The following CDH4 variants were observed in gnomAD, a reference collection of about 807,000 sequenced individuals.
The protein encoded by CDH4 is cadherin-4.
CDH4 carries 33 observed loss-of-function variants against 86.0 expected under a neutral mutation model. That is an observed-to-expected ratio of 0.38 (90% CI 0.29 to 0.51). CDH4 has a LOEUF of 0.51. Among genes scored for constraint, CDH4 ranks in the 20% least tolerant of loss-of-function variants. The pLI is 0.86. For missense variants in CDH4, 1,114 were observed against 1,307.4 expected, an observed-to-expected ratio of 0.85 and a Z score of 2.28; for synonymous variants, 555 against 549.4, an observed-to-expected ratio of 1.01 and a Z score of -0.14.
chr20:61,468,843 C>A (rs1189635865), intron 2 of CDH4, among the ~76,000 whole-genome samples: 3 of 152,174 alleles, frequency 2.0e-5, no homozygotes, highest in Non-Finnish European at 4.4e-5. Context: ...TTTCACTTAA[C>A]ATAATGATCT....
chr20:61,592,971 G>A (rs532662081), intron 2 of CDH4, among the ~76,000 whole-genome samples: 115 of 152,278 alleles, frequency 7.6e-4, no homozygotes, highest in African/African-American at 2.7e-3. Context: ...ACCTGGGTGG[G>A]CCCTAAGTGC....
rs531063283 is a variant in CDH4 at position 61,837,185 on chromosome 20, C to T, written c.577-7483C>T. ...TCCAGCCTGGGCGACAGAGCAAGAC[C>T]CTGTCTCAAAAAAAACGGGGTTTCA... On this transcript the variant is annotated intron_variant, in intron 4 of 15. Transcript: ENST00000614565. Among the ~76,000 whole-genome samples, 3 of 152,216 alleles carry T rather than the reference C, an allele frequency of 2.0e-5. No individual in the cohort carries two copies. The South Asian group carries it at 6.2e-4, about 32-fold the overall frequency.
At chr20:61,411,546 T>A (rs1026208498) in intron 2 of CDH4, among the ~76,000 whole-genome samples, 1 of 152,032 alleles carries the variant, frequency 6.6e-6, no homozygotes, top group Admixed American at 6.6e-5. Context: ...AGCTGCTGGC[T>A]GGGCTGGGCA....
rs567176909 is a variant in CDH4 at position 61,764,084 on chromosome 20, C to T, written c.397-8919C>T. Among the ~76,000 whole-genome samples the T allele has an allele frequency of 9.7e-4, 147 of 152,326 alleles. 5 individuals carry two copies. The South Asian group carries it at 0.027, about 27-fold the overall frequency. On this transcript the variant is annotated intron_variant, in intron 3 of 15. Transcript: ENST00000614565. ...CTCACCTTGCAGCCACAGCCAGTTA[C>T]AGCCTCATCACACAGACAGGAGAGC... is the stretch of plus-strand genomic sequence containing the variant.
At chr20:61,265,512 C>T (rs1433675113) in intron 2 of CDH4, among the ~76,000 whole-genome samples, 2 of 152,016 alleles carry the variant, frequency 1.3e-5, no homozygotes, top group Non-Finnish European at 2.9e-5. Flanking sequence ...CTACACATAT[C>T]TCAGTGGTTC....
At chr20:61,701,784 C>A (rs994725021) in intron 2 of CDH4, among the ~76,000 whole-genome samples, 1 of 152,196 alleles carries the variant, frequency 6.6e-6, no homozygotes, top group African/African-American at 2.4e-5. Context: ...CTTAATGATT[C>A]GGACAAAGCG....
intron 2 of CDH4, among the ~76,000 whole-genome samples, chr20:61,602,767 C>A (rs1020801933): frequency 2.0e-5 from 3 of 151,280 alleles, no homozygotes; most frequent in Non-Finnish European, 4.4e-5. Context: ...CAGGCCAGCA[C>A]CAACATCATG....
chr20:61,374,717 C>T (rs1395411152), intron 2 of CDH4, among the ~76,000 whole-genome samples: 1 of 152,156 alleles, frequency 6.6e-6, no homozygotes, highest in African/African-American at 2.4e-5. Flanking sequence ...CTCCAGGGCT[C>T]TCTAGAATTT....
chr20:61,567,849 T>C (rs1307554070), intron 2 of CDH4, among the ~76,000 whole-genome samples: 1 of 152,128 alleles, frequency 6.6e-6, no homozygotes, highest in Non-Finnish European at 1.5e-5. Context: ...GACACACACC[T>C]GTGGTCTCAG....
intron 15 of CDH4, among the ~76,000 whole-genome samples, chr20:61,935,497 C>T (rs1283645033): frequency 1.3e-5 from 2 of 152,074 alleles, no homozygotes; most frequent in African/African-American, 2.4e-5. Flanking sequence ...GTGGCTCAGG[C>T]CTGTCATCCC....
intron 2 of CDH4, among the ~76,000 whole-genome samples, chr20:61,492,451 T>TTGTTGA (rs1352516937): frequency 6.6e-6 from 1 of 152,016 alleles, no homozygotes; most frequent in Non-Finnish European, 1.5e-5. Flanking sequence ...GGTGTCAATA[T>TTGTTGA]TGTTGATGTT....
At position 61,734,830 on chromosome 20, in the gene CDH4, G is replaced by A. The variant is rs536068818; in HGVS notation, c.170-8733G>A. ...CACGTGGACACAGCGCACACAAAGC[G>A]CGCACAGTCACACGAATCAACCTGG... On this transcript the variant is annotated intron_variant, in intron 2 of 15. Coordinates refer to ENST00000614565, the MANE Select transcript of CDH4 (RefSeq NM_001794.5). Among the ~76,000 whole-genome samples the A allele has an allele frequency of 2.6e-4, 40 of 152,344 alleles. No individual in the cohort carries two copies. The South Asian group carries it at 4.0e-3, about 15-fold the overall frequency.
chr20:61,704,399 G>A (rs1227028159), intron 2 of CDH4, among the ~76,000 whole-genome samples: 6 of 152,188 alleles, frequency 3.9e-5, no homozygotes, highest in Admixed American at 3.9e-4. Context: ...AGGCAGCCTT[G>A]TGGGGCGCTC....
At chr20:61,696,906 G>A (rs1212137089) in intron 2 of CDH4, among the ~76,000 whole-genome samples, 2 of 152,140 alleles carry the variant, frequency 1.3e-5, no homozygotes, top group African/African-American at 4.8e-5. Flanking sequence ...TACGAGAGAC[G>A]CACAGAATGC....
intron 2 of CDH4, among the ~76,000 whole-genome samples, chr20:61,672,042 T>C (rs1419407642): frequency 8.0e-6 from 1 of 125,604 alleles, no homozygotes; most frequent in Non-Finnish European, 1.5e-5. Context: ...GATGGGTGGA[T>C]AGATAGATAA....
At position 61,773,155 on chromosome 20, in the gene CDH4, C is replaced by T. The variant is rs1228050535; in HGVS notation, c.549C>T (p.Arg183=). The T allele has an allele frequency of 1.3e-6, 2 of 1,590,372 alleles. No homozygotes were observed. The highest frequency in any genetic ancestry group is 1.1e-5 in the South Asian group (1 of 87,990). ...CCATCAACGTGCCCGAGAACTCGCG[C>T]GGGCCCTTCCCGCAGCAGCTCGTGA... ...IPPINVPENS[R]GPFPQQLVRI... is the part of the protein sequence containing the mutation. The change falls in exon 4 of 16, where the codon CGC becomes CGT. Residue 183 remains arginine, a synonymous_variant. Coordinates refer to ENST00000614565, the MANE Select transcript of CDH4 (RefSeq NM_001794.5).
At chr20:61,272,352 C>T (rs985276637) in intron 2 of CDH4, among the ~76,000 whole-genome samples, 2 of 152,222 alleles carry the variant, frequency 1.3e-5, no homozygotes, top group South Asian at 2.1e-4. Flanking sequence ...AGGGAGGCTG[C>T]AGTCGCCCCC....
intron 3 of CDH4, among the ~76,000 whole-genome samples, chr20:61,770,592 C>T (rs2088762669): frequency 6.6e-6 from 1 of 152,170 alleles, no homozygotes; most frequent in South Asian, 2.1e-4. Context: ...GTTTAGGAAA[C>T]ACAGAAAGGG....
intron 6 of CDH4, among the ~76,000 whole-genome samples, chr20:61,865,776 G>A (rs1026338397): frequency 6.7e-6 from 1 of 150,282 alleles, no homozygotes; most frequent in African/African-American, 2.5e-5. Context: ...TGTATGTAAT[G>A]GGTTAGTTTC....
Sources: gnomAD v4.1 joint callset for allele counts (sites outside exome capture counted in the v4.1 genomes callset) on GRCh38, gnomAD v4.1.1 for gene constraint, MANE v1.5 for transcripts, NCBI Gene and HGNC (gene_info 2026-07-23, HGNC 2026-07-21) for gene names.